Variants in UGP2 observed in about 807,000 individuals in gnomAD.
The protein encoded by UGP2 is UTP--glucose-1-phosphate uridylyltransferase.
Under a neutral mutation model 49.0 loss-of-function variants are expected in UGP2, and 40 were observed. The observed-to-expected ratio is 0.82, with a 90% CI of 0.63 to 1.06. The LOEUF (loss-of-function observed/expected upper bound fraction) is 1.06. UGP2 is among the 50% of genes least tolerant of loss of function. The probability of loss-of-function intolerance (pLI) is 0.00; values close to 1 mark genes in which losing one functional copy is unlikely to be tolerated. For synonymous variants in UGP2, 225 were observed against 213.0 expected (o/e 1.06, Z -0.49); for missense variants, 460 against 603.5 (o/e 0.76, Z 2.49).
At chr2:63,890,262 T>C (rs1210022136) in intron 9 of UGP2, 77 bp downstream of exon 9, 2 of 1,078,362 alleles carry the variant, frequency 1.9e-6, no homozygotes, top group Non-Finnish European at 2.7e-6. Flanking sequence ...AATTTACATT[T>C]ACTTTAAGGA....
chr2:63,841,263 G>A (rs1204260565), upstream of UGP2: 1 of 152,080 alleles, frequency 6.6e-6, no homozygotes, highest in Non-Finnish European at 1.5e-5. Context: ...GAGGAGGGGC[G>A]GGGTTGGGCT....
At chr2:63,878,302 G>A (rs1352768914) in intron 3 of UGP2, among the ~76,000 whole-genome samples, 3 of 152,176 alleles carry the variant, frequency 2.0e-5, no homozygotes, top group Non-Finnish European at 4.4e-5. Context: ...CAGGTGAAAA[G>A]TGTGAGTGAA....
chr2:63,857,934 T>A lies in UGP2; in HGVS notation c.253T>A (p.Ser85Thr), dbSNP rs1193304654. ...AAAAATCCAGAGACCCCCTGAAGAT[T>A]CGGTAAGTTTTAGATAAAATGTAGG... is the stretch of plus-strand genomic sequence containing the variant. ...WGKIQRPPED[S>T]IQPYEKIKAR... is the part of the protein sequence containing the mutation. The change falls in exon 3 of 10, where the codon TCG (serine) becomes ACG (threonine). Residue 85 changes from serine to threonine, a missense_variant and splice_region_variant. Transcript: ENST00000337130. 6.2e-7 allele frequency: 1 copy of A among 1,612,960 alleles called. No individual in the cohort carries two copies. Among genetic ancestry groups the A allele is most frequent in the Non-Finnish European group, 8.5e-7 (1 of 1,179,568 alleles).
chr2:63,889,903 C>G, intron 8 of UGP2, 178 bp from the exon 9 acceptor site: 1 of 524,208 alleles, frequency 1.9e-6, no homozygotes, highest in Non-Finnish European at 3.3e-6. Flanking sequence ...AGCTCCTGGT[C>G]TTTCCTGCAC....
intron 3 of UGP2, among the ~76,000 whole-genome samples, chr2:63,877,133 TA>T (rs1402025681): frequency 6.6e-6 from 1 of 152,262 alleles, no homozygotes; most frequent in Non-Finnish European, 1.5e-5. Context: ...GCAAGAACAA[TA>T]GTTCATCAGC....
intron 8 of UGP2, chr2:63,888,039 A>C (rs555736024): frequency 2.4e-5 from 4 of 166,152 alleles, no homozygotes; most frequent in African/African-American, 9.6e-5. Flanking sequence ...TCTTCACGGA[A>C]TTGACATTCT....
chr2:63,859,194 CA>C lies in UGP2; in HGVS notation c.255+1259del, dbSNP rs1669661551. On this transcript the variant is annotated intron_variant, in intron 3 of 9. Transcript: ENST00000337130. ...TTTTTTTGTAGAGATGGGGTTTCGC[CA>C]TGTTGCCCAGGCTGGTCTCAAACGT... The C allele has an allele frequency of 2.0e-5, 3 of 151,956 alleles. No homozygotes were observed. The South Asian group carries it at 6.3e-4, about 32-fold the overall frequency. 9.4% of individuals were successfully genotyped at this position (151,956 alleles called of 1,614,324 possible).
At chr2:63,890,295 CCT>C (rs386646730) in intron 9 of UGP2, 110 bp downstream of exon 9, 3 of 437,190 alleles carry the variant, frequency 6.9e-6, no homozygotes, top group Admixed American at 5.1e-5. Context: ...CTTAGTGCCA[CCT>C]TAATTACTAG....
intron 5 of UGP2, among the ~76,000 whole-genome samples, chr2:63,884,636 G>A (rs888155369): frequency 6.6e-6 from 1 of 152,170 alleles, no homozygotes; most frequent in Non-Finnish European, 1.5e-5. Context: ...TTGAGGCTGG[G>A]TGTGGTGGCT....
chr2:63,873,058 A>T (rs931067981), intron 3 of UGP2, among the ~76,000 whole-genome samples: 1 of 152,170 alleles, frequency 6.6e-6, no homozygotes, highest in Admixed American at 6.5e-5. Flanking sequence ...TGCAAAGATG[A>T]CCTTATTGAC....
chr2:63,874,824 AC>A (rs1670806096), intron 3 of UGP2, among the ~76,000 whole-genome samples: 1 of 150,016 alleles, frequency 6.7e-6, no homozygotes, highest in Non-Finnish European at 1.5e-5. Flanking sequence ...CTTGCTTCCC[AC>A]CATGTGATCT....
At chr2:63,886,270 C>G (rs1575855982) in intron 6 of UGP2, 71 bp from the exon 7 acceptor site, 5 of 1,395,046 alleles carry the variant, frequency 3.6e-6, no homozygotes, top group South Asian at 1.2e-5. Flanking sequence ...TGTATAATCA[C>G]TATCTTTGTA....
chr2:63,882,694 T>C (rs778172828), intron 4 of UGP2, 43 bp downstream of exon 4: 2 of 1,446,660 alleles, frequency 1.4e-6, no homozygotes, highest in Non-Finnish European at 9.2e-7. Flanking sequence ...TAAAATAGTT[T>C]TTAGTTTTTA....
At chr2:63,862,967 C>T (rs781298473) in intron 3 of UGP2, 1 of 419,906 alleles carries the variant, frequency 2.4e-6, no homozygotes, top group Non-Finnish European at 4.8e-6. Context: ...GCATACCTTT[C>T]CAGCTCCCTG....
At chr2:63,858,020 C>A in intron 3 of UGP2, 84 bp downstream of exon 3, 1 of 1,228,476 alleles carries the variant, frequency 8.1e-7, no homozygotes, top group Non-Finnish European at 1.2e-6. Flanking sequence ...GTGTAGGGGA[C>A]CTATAACAAT....
intron 1 of UGP2, among the ~76,000 whole-genome samples, chr2:63,843,353 A>G (rs1671712837): frequency 6.6e-6 from 1 of 152,240 alleles, no homozygotes; most frequent in Non-Finnish European, 1.5e-5. Context: ...TATATGTGGT[A>G]AGAGATGCTT....
chr2:63,857,107 C>T (rs1669494754), intron 2 of UGP2, among the ~76,000 whole-genome samples: 1 of 151,992 alleles, frequency 6.6e-6, no homozygotes, highest in Admixed American at 6.6e-5. Flanking sequence ...TGAGACTGGC[C>T]TGGGCAACAT....
chr2:63,849,219 T>C (rs1225218145), intron 1 of UGP2, among the ~76,000 whole-genome samples: 1 of 152,268 alleles, frequency 6.6e-6, no homozygotes, highest in East Asian at 1.9e-4. Flanking sequence ...GTCTCCTTTT[T>C]ACTTGCTAGT....
Position 63,891,152 on chromosome 2 carries a change from C to T in UGP2, c.1452C>T (p.Asp484=), listed in dbSNP as rs200078130. The change falls in exon 10 of 10, where the codon GAC becomes GAT. Residue 484 remains aspartate (D), a synonymous_variant. Transcript: ENST00000337130. ...GTVIIIANHG[D]RIDIPPGAVL... ...TTATCATCATTGCAAATCATGGTGA[C>T]AGAATTGATATCCCACCTGGAGCAG... 9 of 1,613,500 alleles carry T rather than the reference C, an allele frequency of 5.6e-6. No individual in the cohort carries two copies. The East Asian group carries it at 8.9e-5, about 16-fold the overall frequency.
Sources: allele counts gnomAD v4.1 joint callset (sites outside exome capture counted in the v4.1 genomes callset), GRCh38; gene constraint gnomAD v4.1.1; transcripts MANE v1.5; gene names NCBI Gene and HGNC (gene_info 2026-07-23, HGNC 2026-07-21).